ZNF37A: variants seen among roughly 807,000 people sequenced by gnomAD.
The protein encoded by ZNF37A is zinc finger protein 37a (KOX 21).
A neutral mutation model predicts 12.3 loss-of-function variants in ZNF37A; 10 were observed. That is an observed-to-expected ratio of 0.82 (90% CI 0.50 to 1.38). The LOEUF (loss-of-function observed/expected upper bound fraction) is 1.38. ZNF37A is among the 40% of genes most tolerant of loss of function. The pLI, the probability that ZNF37A is intolerant of heterozygous loss-of-function variation, is 0.00. For synonymous variants in ZNF37A, 207 were observed against 223.0 expected, an observed-to-expected ratio of 0.93 and a Z score of 0.64; for missense variants, 580 against 651.2, an observed-to-expected ratio of 0.89 and a Z score of 1.19.
chr10:38,139,585 C>G (rs1053734434), intron 7 of ZNF37A: 2 of 152,262 alleles, frequency 1.3e-5, no homozygotes, highest in African/African-American at 4.8e-5. Context: ...CCAGGATGGT[C>G]TGGATCTCTT....
rs1441524768 is a variant in ZNF37A at position 38,123,109 on chromosome 10, CA to C, written c.*4273del. The C allele has an allele frequency of 1.3e-5, 2 of 151,520 alleles. No homozygotes were observed. The highest frequency in any genetic ancestry group is 4.9e-5 in the African/African-American group (2 of 41,042). 9.4% of individuals were successfully genotyped at this position (151,520 alleles called of 1,614,324 possible). Reference sequence around the variant, plus strand: ...GAAGGCAAAAGGGGAATAAGTATCTCACATGGCAGGTGCAGGGCAAAGAGAG... The same window carrying C: ...GAAGGCAAAAGGGGAATAAGTATCTCCATGGCAGGTGCAGGGCAAAGAGAG... On this transcript the variant is annotated 3_prime_UTR_variant, in exon 8 of 8. Coordinates refer to ENST00000685332, the MANE Select transcript of ZNF37A (RefSeq NM_001324250.3).
rs146131647 is a variant in ZNF37A at position 38,117,641 on chromosome 10, C to T, written c.490C>T (p.His164Tyr). ...AFPENSLFLV[H>Y]KRGYTGQKTC... ...CCCTGAGAATTCACTCTTCCTTGTA[C>T]ATAAGAGAGGTTACACAGGACAGAA... Residue 164 changes from histidine to tyrosine, a missense_variant, in exon 8 of 8, where the codon CAT becomes TAT. Coordinates refer to ENST00000685332, the MANE Select transcript of ZNF37A (RefSeq NM_001324250.3). 1.9e-5 allele frequency: 30 copies of T among 1,613,804 alleles called. No homozygotes were observed. In the African/African-American group the frequency reaches 3.6e-4, roughly 19 times the overall value.
rs2069732590 is a variant in ZNF37A, at chr10:38,122,126, C to T, written c.*3289C>T. ...TGGCATGCACCTGTAGTCCGAGGTA[C>T]TCAGGAGGCAGAGACGTGGGAGGAT... On this transcript the variant is annotated 3_prime_UTR_variant, in exon 8 of 8. Transcript: ENST00000685332. 6.6e-6 allele frequency: 1 copy of T among 152,162 alleles called. No individual in the cohort carries two copies. Among genetic ancestry groups the T allele is most frequent in the African/African-American group, 2.4e-5 (1 of 41,344 alleles). The allele number at this position is 152,162 out of a possible 1,614,324, so 9.4% of individuals were successfully genotyped here. A position where few individuals can be genotyped will look rare whatever the true frequency, so the allele number is the denominator to read the frequency against.
At chr10:38,104,100 A>G (rs2067824154) in intron 5 of ZNF37A, among the ~76,000 whole-genome samples, 1 of 151,498 alleles carries the variant, frequency 6.6e-6, no homozygotes, top group Non-Finnish European at 1.5e-5. Context: ...CCTTATCCCC[A>G]CCCCTGGCCC....
chr10:38,127,963 A>G (rs1317944368), downstream of ZNF37A, among the ~76,000 whole-genome samples: 4 of 152,208 alleles, frequency 2.6e-5, no homozygotes, highest in African/African-American at 7.2e-5. Flanking sequence ...TAGTGGGCAG[A>G]GAAACACATA....
intron 5 of ZNF37A, among the ~76,000 whole-genome samples, chr10:38,098,565 G>A (rs1193960430): frequency 1.3e-5 from 2 of 152,192 alleles, no homozygotes; most frequent in African/African-American, 4.8e-5. Flanking sequence ...ATCCATGAAT[G>A]TAAGATTTTT....
At chr10:38,127,556 A>G (rs1480945112), downstream of ZNF37A, among the ~76,000 whole-genome samples, 3 of 152,162 alleles carry the variant, frequency 2.0e-5, no homozygotes, top group Non-Finnish European at 4.4e-5. Flanking sequence ...TAAGTGCACT[A>G]CTGGTATATG....
intron 5 of ZNF37A, among the ~76,000 whole-genome samples, chr10:38,108,218 A>G (rs1163372265): frequency 2.0e-5 from 3 of 152,336 alleles, no homozygotes; most frequent in East Asian, 1.9e-4. Context: ...GCACAATTAC[A>G]TGAAAACTGA....
intron 7 of ZNF37A, among the ~76,000 whole-genome samples, chr10:38,132,332 C>T (rs563427171): frequency 6.6e-6 from 1 of 152,122 alleles, no homozygotes; most frequent in Non-Finnish European, 1.5e-5. Flanking sequence ...TTTTCAAATG[C>T]CTTTTCTGTA....
rs535372023 is a variant in ZNF37A at position 38,096,701 on chromosome 10, T to A, written c.15+69T>A. ...TGAGGTTTAAAAAATGTCTATACAT[T>A]CATATGAAAGTAGAAATAACATCAG... On this transcript the variant is annotated intron_variant, in intron 5 of 7. Coordinates refer to ENST00000685332, the MANE Select transcript of ZNF37A (RefSeq NM_001324250.3). 5.8e-5 allele frequency: 86 copies of A among 1,471,172 alleles called. 1 individual carries two copies. In the African/African-American group the frequency reaches 1.2e-3, roughly 20 times the overall value. The allele number at this position is 1,471,172 out of a possible 1,614,324, so 91.1% of individuals were successfully genotyped here.
downstream of ZNF37A, chr10:38,125,021 A>G (rs1443934614): frequency 1.3e-5 from 2 of 152,204 alleles, no homozygotes; most frequent in Admixed American, 6.5e-5. Flanking sequence ...TAAAGCCTCT[A>G]CTCATCATAG....
At chr10:38,130,229 A>C (rs1490764215), downstream of ZNF37A, among the ~76,000 whole-genome samples, 1 of 152,172 alleles carries the variant, frequency 6.6e-6, no homozygotes, top group African/African-American at 2.4e-5. Flanking sequence ...ATGGCTGAAT[A>C]ATGTTCCTTT....
At chr10:38,106,099 A>G (rs908457734) in intron 5 of ZNF37A, among the ~76,000 whole-genome samples, 2 of 151,998 alleles carry the variant, frequency 1.3e-5, no homozygotes, top group Admixed American at 1.3e-4. Flanking sequence ...TTCACTGTGG[A>G]GTATGTTACC....
chr10:38,113,891 G>A (rs1226366468), intron 5 of ZNF37A, among the ~76,000 whole-genome samples: 1 of 152,186 alleles, frequency 6.6e-6, no homozygotes, highest in Admixed American at 6.5e-5. Flanking sequence ...ATGGCCTAAA[G>A]GAAGTATGCA....
chr10:38,131,123 T>C (rs905897319), intron 7 of ZNF37A, among the ~76,000 whole-genome samples: 11 of 152,142 alleles, frequency 7.2e-5, no homozygotes, highest in African/African-American at 2.7e-4. Flanking sequence ...GTCAGACATA[T>C]GGTTGGCAAT....
chr10:38,139,351 A>G (rs2070151345), intron 7 of ZNF37A: 1 of 151,584 alleles, frequency 6.6e-6, no homozygotes, highest in African/African-American at 2.4e-5. Context: ...CTCTAACTGT[A>G]TTTCTTCAAT....
At chr10:38,131,430 C>T (rs1176765085) in intron 7 of ZNF37A, among the ~76,000 whole-genome samples, 1 of 152,178 alleles carries the variant, frequency 6.6e-6, no homozygotes, top group Non-Finnish European at 1.5e-5. Flanking sequence ...TTTCCCGGCA[C>T]TGTTTTTTGA....
intron 4 of ZNF37A, 92 bp downstream of exon 4, chr10:38,095,896 A>C (rs1488891521): frequency 6.6e-6 from 1 of 152,160 alleles, no homozygotes; most frequent in Non-Finnish European, 1.5e-5. Flanking sequence ...TTCCAAAAAA[A>C]CTGGGCTGGG....
downstream of ZNF37A, among the ~76,000 whole-genome samples, chr10:38,126,780 C>T (rs998546378): frequency 1.3e-5 from 2 of 152,152 alleles, no homozygotes; most frequent in African/African-American, 2.4e-5. Flanking sequence ...CAGAAATCTT[C>T]GCACACTTGT....
Sources: gnomAD v4.1 joint callset for allele counts (sites outside exome capture counted in the v4.1 genomes callset) on GRCh38, gnomAD v4.1.1 for gene constraint, MANE v1.5 for transcripts, NCBI Gene and HGNC (gene_info 2026-07-23, HGNC 2026-07-21) for gene names.